Variants in GAK observed in about 807,000 individuals in gnomAD.
The protein encoded by GAK is cyclin-G-associated kinase.
GAK carries 79 observed loss-of-function variants against 143.9 expected under a neutral mutation model. That is an observed-to-expected ratio of 0.55 (90% CI 0.46 to 0.66). The LOEUF (loss-of-function observed/expected upper bound fraction) is 0.66, where lower values mean the gene tolerates loss of function less well. Ranked by LOEUF, GAK falls within the 30% of genes least tolerant of loss-of-function variation. The pLI, the probability that GAK is intolerant of heterozygous loss-of-function variation, is 0.00. For synonymous variants in GAK, 881 were observed against 765.5 expected, an observed-to-expected ratio of 1.15 and a Z score of -2.49; for missense variants, 1,693 against 1,779.7, an observed-to-expected ratio of 0.95 and a Z score of 0.88.
rs199972553 is a variant in GAK at position 877,216 on chromosome 4, A to G, written c.1857-9T>C. The G allele has an allele frequency of 6.3e-7, 1 of 1,586,576 alleles. No individual in the cohort carries two copies. Among genetic ancestry groups the G allele is most frequent in the Non-Finnish European group, 8.6e-7 (1 of 1,156,338 alleles). On this transcript the variant is annotated splice_polypyrimidine_tract_variant and intron_variant, in intron 16 of 27. Transcript: ENST00000314167. ...CTTCAATCTTAAAGTCCCTAAGGACAGAATGACAAGAGAAAAATTTTAAAA... is the reference window on the plus strand; with the variant it reads ...CTTCAATCTTAAAGTCCCTAAGGACGGAATGACAAGAGAAAAATTTTAAAA...
chr4:873,457 T>TG (rs1713143753), intron 18 of GAK, among the ~76,000 whole-genome samples: 1 of 151,588 alleles, frequency 6.6e-6, no homozygotes, highest in African/African-American at 2.4e-5. Context: ...AAGTATTCGC[T>TG]GAAGTTTGCA....
intron 1 of GAK, among the ~76,000 whole-genome samples, chr4:931,112 A>G (rs1327822648): frequency 1.3e-5 from 2 of 152,272 alleles, no homozygotes; most frequent in Non-Finnish European, 2.9e-5. Context: ...TGGACAAAAA[A>G]TGTAAGGAAA....
At chr4:897,820 G>A (rs1196202779) in intron 6 of GAK, among the ~76,000 whole-genome samples, 1 of 152,218 alleles carries the variant, frequency 6.6e-6, no homozygotes, top group South Asian at 2.1e-4. Context: ...GTGGTGGTGT[G>A]TGCCTGTAAC....
intron 4 of GAK, among the ~76,000 whole-genome samples, chr4:908,730 G>A (rs1721519469): frequency 6.6e-6 from 1 of 152,154 alleles, no homozygotes; most frequent in Non-Finnish European, 1.5e-5. Flanking sequence ...TGAAGCTACA[G>A]TGAGCTATGA....
At chr4:885,721 G>A (rs986084713) in intron 11 of GAK, 2 of 152,032 alleles carry the variant, frequency 1.3e-5, no homozygotes, top group Non-Finnish European at 2.9e-5. Flanking sequence ...TCCTGGGCTT[G>A]TCCGTGGGGG....
chr4:856,632 C>T (rs1560281954), intron 24 of GAK, among the ~76,000 whole-genome samples: 1 of 128,854 alleles, frequency 7.8e-6, no homozygotes, highest in Non-Finnish European at 1.8e-5. Flanking sequence ...CACCTGCTCA[C>T]CACAGCTGCT....
At chr4:906,726 C>T (rs1268010932) in intron 4 of GAK, among the ~76,000 whole-genome samples, 3 of 152,134 alleles carry the variant, frequency 2.0e-5, no homozygotes, top group Admixed American at 6.5e-5. Context: ...CTGCTCATCC[C>T]ACTCCACACC....
intron 1 of GAK, among the ~76,000 whole-genome samples, chr4:922,715 T>C (rs978197188): frequency 2.0e-5 from 3 of 152,122 alleles, no homozygotes; most frequent in Admixed American, 6.5e-5. Context: ...CTGGTGGGAA[T>C]GTATGGCCAC....
chr4:925,862 G>C (rs138912801), intron 1 of GAK, among the ~76,000 whole-genome samples: 1 of 152,208 alleles, frequency 6.6e-6, no homozygotes, highest in South Asian at 2.1e-4. Context: ...ACGACGTTCT[G>C]TTACAGCAGC....
rs750477519 is a variant in GAK at position 893,405 on chromosome 4, T to C, written c.962A>G (p.Asn321Ser). The C allele has an allele frequency of 1.3e-6, 2 of 1,588,674 alleles. No individual in the cohort carries two copies. Among genetic ancestry groups the C allele is most frequent in the Non-Finnish European group, 8.6e-7 (1 of 1,167,708 alleles). ...TGTGATGGGAGACTTGGGGTTCACG[T>C]TGCGGGCGGCCGCGATCTCCTGCAG... is the stretch of plus-strand genomic sequence containing the variant. ...HQLQEIAAAR[N>S]VNPKSPITEL... is the part of the protein sequence containing the mutation. The change falls in exon 9 of 28, where the codon AAC becomes AGC. Residue 321 changes from asparagine (N) to serine (S), a missense_variant. Transcript: ENST00000314167.
Position 867,049 on chromosome 4 carries a change from C to A in GAK, c.2779G>T (p.Glu927Ter). The A allele has an allele frequency of 6.6e-7, 1 of 1,524,412 alleles. No homozygotes were observed. The highest frequency in any genetic ancestry group is 8.8e-7 in the Non-Finnish European group (1 of 1,136,482). 94.4% of individuals were successfully genotyped at this position (1,524,412 alleles called of 1,614,324 possible). The stretch of plus-strand genomic sequence containing the variant: ...AGCGGGTCCTCGCTGAGCAGATCCT[C>A]CGGGGGCCCCTGGGAGGCGGCCTCA... ...PPEAASQGPP[E>*]DLLSEDPLLL... The change falls in exon 21 of 28, where the codon GAG becomes TAG. Residue 927 changes from glutamate (E) to a stop codon, truncating the protein, a stop_gained. Transcript: ENST00000314167. LOFTEE classifies it high-confidence loss of function.
At chr4:898,292 C>T in intron 5 of GAK, 134 bp from the exon 6 acceptor site, 3 of 951,434 alleles carry the variant, frequency 3.2e-6, no homozygotes, top group Non-Finnish European at 4.7e-6. Flanking sequence ...CTGCCGGGTG[C>T]CTGCAGCACC....
At chr4:911,412 G>A (rs957962259) in intron 4 of GAK, among the ~76,000 whole-genome samples, 2 of 152,248 alleles carry the variant, frequency 1.3e-5, no homozygotes, top group Non-Finnish European at 1.5e-5. Flanking sequence ...CAGGCAGGAT[G>A]GGAGCCCGGC....
At chr4:881,227 T>C (rs750265395) in intron 15 of GAK, among the ~76,000 whole-genome samples, 1 of 152,166 alleles carries the variant, frequency 6.6e-6, no homozygotes, top group Non-Finnish European at 1.5e-5. Flanking sequence ...GGCCGGCCTT[T>C]GCTCCTGGGC....
chr4:882,659 G>A lies in GAK; in HGVS notation c.1527+38C>T. On this transcript the variant is annotated intron_variant, in intron 14 of 27. Coordinates refer to ENST00000314167, the MANE Select transcript of GAK (RefSeq NM_005255.4). Reference sequence around the variant, plus strand: ...AACTATGCATGAAATAATGAACTTTGACAGAAGACGGCGCCAGCCCACGGC... The same window carrying A: ...AACTATGCATGAAATAATGAACTTTAACAGAAGACGGCGCCAGCCCACGGC... 3 of 1,602,446 alleles carry A rather than the reference G, an allele frequency of 1.9e-6. 1 individual carries two copies. In the South Asian group the frequency reaches 3.3e-5, roughly 18 times the overall value.
chr4:851,450 G>T (rs1009722655), intron 25 of GAK: 1 of 520,698 alleles, frequency 1.9e-6, no homozygotes, highest in Non-Finnish European at 3.4e-6. Flanking sequence ...TGCTGCCCCC[G>T]GGAACAGGGC....
intron 11 of GAK, 25 bp downstream of exon 11, chr4:888,822 C>T (rs1486633675): frequency 1.3e-6 from 2 of 1,589,436 alleles, no homozygotes; most frequent in Non-Finnish European, 1.7e-6. Context: ...GCGGCAGGTC[C>T]AGGGCTCTGG....
chr4:872,936 G>A (rs1348988261), intron 18 of GAK, among the ~76,000 whole-genome samples: 2 of 151,844 alleles, frequency 1.3e-5, no homozygotes, highest in African/African-American at 2.4e-5. Flanking sequence ...CAGGCACGGC[G>A]CAGGCTCACC....
At chr4:902,375 C>T (rs73209865) in intron 5 of GAK, among the ~76,000 whole-genome samples, 47,378 of 151,444 alleles carry the variant, frequency 0.31, 7,512 homozygotes, top group Non-Finnish European at 0.33. Flanking sequence ...GAGGCTGAGG[C>T]GGGTGGATCA....
Sources: gnomAD v4.1 joint callset for allele counts (sites outside exome capture counted in the v4.1 genomes callset) on GRCh38, gnomAD v4.1.1 for gene constraint, MANE v1.5 for transcripts, NCBI Gene and HGNC (gene_info 2026-07-23, HGNC 2026-07-21) for gene names.